The following DOCK3 variants were observed in gnomAD, a reference collection of about 807,000 sequenced individuals.
The protein encoded by DOCK3 is dedicator of cytokinesis 3, also known as dedicator of cytokinesis protein 3.
Under a neutral mutation model 265.6 loss-of-function variants are expected in DOCK3, and 60 were observed. That is an observed-to-expected ratio of 0.23 (90% CI 0.18 to 0.28). The LOEUF is 0.28. Ranked by LOEUF, DOCK3 falls within the 10% of genes least tolerant of loss-of-function variation. DOCK3 has a pLI of 1.00. For missense variants in DOCK3, 1,981 were observed against 2,594.3 expected, an observed-to-expected ratio of 0.76 and a Z score of 5.14; for synonymous variants, 881 against 938.0, an observed-to-expected ratio of 0.94 and a Z score of 1.11.
chr3:50,730,830 C>T (rs2038158202), intron 1 of DOCK3, among the ~76,000 whole-genome samples: 1 of 148,202 alleles, frequency 6.7e-6, no homozygotes, highest in Non-Finnish European at 1.5e-5. Flanking sequence ...GATCCCATCT[C>T]TAAAAAAATA....
rs1191336666 is a variant in DOCK3, at chr3:51,333,033, A to T, written c.3515+6A>T. ...CTGTTTGGGCCCTACCCCAGGTAAG[A>T]CTGCAGTGTGGTAAGTCTGCTGTCT... On this transcript the variant is annotated splice_donor_region_variant and intron_variant, in intron 34 of 52. Coordinates refer to ENST00000266037, the MANE Select transcript of DOCK3 (RefSeq NM_004947.5). The T allele has an allele frequency of 6.2e-7, 1 of 1,613,816 alleles. No individual in the cohort carries two copies. The highest frequency in any genetic ancestry group is 8.5e-7 in the Non-Finnish European group (1 of 1,179,876).
At chr3:50,742,740 G>T (rs1204800289) in intron 1 of DOCK3, among the ~76,000 whole-genome samples, 1 of 152,088 alleles carries the variant, frequency 6.6e-6, no homozygotes, top group East Asian at 1.9e-4. Context: ...TGAAAGTGAC[G>T]GGGAGAATGG....
At chr3:50,768,258 C>A (rs897747571) in intron 1 of DOCK3, among the ~76,000 whole-genome samples, 1 of 152,066 alleles carries the variant, frequency 6.6e-6, no homozygotes, top group Non-Finnish European at 1.5e-5. Flanking sequence ...GTGGGTTTGT[C>A]ATAAATAGCT....
chr3:50,787,609 G>T, intron 2 of DOCK3: 1 of 1,218,782 alleles, frequency 8.2e-7, no homozygotes, highest in Non-Finnish European at 1.2e-6. Flanking sequence ...AGGCTCCTTT[G>T]TTTCCCGCTT....
At chr3:51,160,147 T>C (rs1327867078) in intron 11 of DOCK3, among the ~76,000 whole-genome samples, 1 of 152,248 alleles carries the variant, frequency 6.6e-6, no homozygotes, top group Non-Finnish European at 1.5e-5. Flanking sequence ...AAGAACACAG[T>C]ATCCTCCTTG....
At chr3:51,310,726 A>T (rs891180310) in intron 28 of DOCK3, among the ~76,000 whole-genome samples, 20 of 152,182 alleles carry the variant, frequency 1.3e-4, no homozygotes, top group African/African-American at 4.3e-4. Flanking sequence ...GGCTCTGACC[A>T]CTTCTGATTA....
intron 9 of DOCK3, among the ~76,000 whole-genome samples, chr3:51,144,103 A>G (rs541774624): frequency 2.6e-5 from 4 of 152,242 alleles, no homozygotes; most frequent in South Asian, 2.1e-4. Flanking sequence ...TGAACGTACT[A>G]TACACCCCCC....
chr3:51,223,713 C>T (rs2090200239), intron 14 of DOCK3, among the ~76,000 whole-genome samples: 1 of 152,026 alleles, frequency 6.6e-6, no homozygotes. Flanking sequence ...TGATTTATCC[C>T]ACCATAATAG....
intron 3 of DOCK3, among the ~76,000 whole-genome samples, chr3:50,871,696 CT>C (rs1363691393): frequency 6.6e-6 from 1 of 152,066 alleles, no homozygotes; most frequent in Non-Finnish European, 1.5e-5. Context: ...TGTCATCTTG[CT>C]TGTTTTTTAT....
At chr3:50,868,008 T>G (rs913052703) in intron 3 of DOCK3, among the ~76,000 whole-genome samples, 13 of 152,176 alleles carry the variant, frequency 8.5e-5, no homozygotes, top group Non-Finnish European at 1.8e-4. Context: ...GTATTAGTTC[T>G]TCTTTAAATG....
chr3:51,135,143 A>G (rs755274264), intron 9 of DOCK3, among the ~76,000 whole-genome samples: 38 of 152,208 alleles, frequency 2.5e-4, no homozygotes, highest in Non-Finnish European at 5.0e-4. Flanking sequence ...TGTGTTCCAC[A>G]GAGACCTCGA....
intron 5 of DOCK3, among the ~76,000 whole-genome samples, chr3:50,977,686 G>T (rs2077510880): frequency 6.6e-6 from 1 of 151,980 alleles, no homozygotes; most frequent in Non-Finnish European, 1.5e-5. Flanking sequence ...TCTGAACGTT[G>T]GCCTGCCTTG....
At chr3:50,877,162 TG>T in intron 3 of DOCK3, 2 of 286,774 alleles carry the variant, frequency 7.0e-6, no homozygotes, top group South Asian at 3.7e-5. Flanking sequence ...GAAAGCCACC[TG>T]GAAAAGAGCC....
intron 49 of DOCK3, among the ~76,000 whole-genome samples, chr3:51,371,140 A>C (rs941572514): frequency 2.0e-5 from 3 of 152,218 alleles, no homozygotes; most frequent in African/African-American, 7.2e-5. Flanking sequence ...AAGAGGAATG[A>C]GATTACACCT....
chr3:50,939,766 TGTG>T (rs527981970), intron 5 of DOCK3, among the ~76,000 whole-genome samples: 46 of 152,166 alleles, frequency 3.0e-4, no homozygotes, highest in Admixed American at 1.4e-3. Context: ...CCACAGCAAA[TGTG>T]GTAATGATGA....
chr3:50,925,760 C>T (rs891100795), intron 4 of DOCK3, among the ~76,000 whole-genome samples: 2 of 147,770 alleles, frequency 1.4e-5, no homozygotes, highest in South Asian at 2.2e-4. Context: ...TGAGTGATGG[C>T]GGTAGGTAAA....
intron 32 of DOCK3, among the ~76,000 whole-genome samples, chr3:51,329,210 C>G (rs1362920733): frequency 6.6e-6 from 1 of 152,100 alleles, no homozygotes; most frequent in Non-Finnish European, 1.5e-5. Context: ...CACTTACAAC[C>G]AGTTTCTCAC....
chr3:50,725,637 T>C (rs1228845678), intron 1 of DOCK3, among the ~76,000 whole-genome samples: 1 of 152,178 alleles, frequency 6.6e-6, no homozygotes, highest in Non-Finnish European at 1.5e-5. Flanking sequence ...CACTTTTGCT[T>C]ACCTACTCAC....
chr3:50,975,864 G>C (rs1377950639), intron 5 of DOCK3, among the ~76,000 whole-genome samples: 8 of 150,458 alleles, frequency 5.3e-5, no homozygotes, highest in Non-Finnish European at 1.2e-4. Context: ...TCCTGGTTTA[G>C]TCTTGGGAGA....
Sources: allele counts gnomAD v4.1 joint callset (sites outside exome capture counted in the v4.1 genomes callset), GRCh38; gene constraint gnomAD v4.1.1; transcripts MANE v1.5; gene names NCBI Gene and HGNC (gene_info 2026-07-23, HGNC 2026-07-21).